The following PARD3B variants were observed in gnomAD, a reference collection of about 807,000 sequenced individuals.
PARD3B encodes the protein partitioning defective 3 homolog B.
A neutral mutation model predicts 130.2 loss-of-function variants in PARD3B; 103 were observed. The observed-to-expected ratio is 0.79, with a 90% CI of 0.67 to 0.93. PARD3B has a LOEUF of 0.93. Ranked by LOEUF, PARD3B falls within the 40% of genes least tolerant of loss-of-function variation. The pLI is 0.00. For synonymous variants in PARD3B, 583 were observed against 553.2 expected, an observed-to-expected ratio of 1.05 and a Z score of -0.76; for missense variants, 1,609 against 1,499.2, an observed-to-expected ratio of 1.07 and a Z score of -1.21.
At chr2:204,639,497 A>G (rs2034999983) in intron 1 of PARD3B, among the ~76,000 whole-genome samples, 1 of 152,218 alleles carries the variant, frequency 6.6e-6, no homozygotes, top group African/African-American at 2.4e-5. Flanking sequence ...ATACTTGGGG[A>G]ATAAATGGAT....
At chr2:205,246,252 CT>C (rs2039567933) in intron 16 of PARD3B, among the ~76,000 whole-genome samples, 1 of 109,930 alleles carries the variant, frequency 9.1e-6, no homozygotes, top group African/African-American at 3.5e-5. Context: ...TTTTTTTTTT[CT>C]GCCTGTCATC....
chr2:205,301,870 T>C lies in PARD3B; in HGVS notation c.2630+169T>C, dbSNP rs777353985. The stretch of plus-strand genomic sequence containing the variant: ...CTTTCTGCAGAGGCAGAGGAGCTTT[T>C]TGGGGAAAGTTACAGTGATGACAGG... On this transcript the variant is annotated intron_variant, in intron 18 of 22. Transcript: ENST00000406610. The surrounding 1 kb of genome is among the most constrained non-coding windows in gnomAD (Gnocchi z 5.2). 1.5e-5 allele frequency: 16 copies of C among 1,065,084 alleles called. No individual in the cohort carries two copies. Among genetic ancestry groups the C allele is most frequent in the Non-Finnish European group, 2.3e-5 (16 of 686,928 alleles). The allele number at this position is 1,065,084 out of a possible 1,614,324, so 66.0% of individuals were successfully genotyped here. A position where few individuals can be genotyped will look rare whatever the true frequency, so the allele number is the denominator to read the frequency against.
intron 22 of PARD3B, among the ~76,000 whole-genome samples, chr2:205,596,420 A>G (rs2054572359): frequency 6.6e-6 from 1 of 152,192 alleles, no homozygotes; most frequent in South Asian, 2.1e-4. Flanking sequence ...CTGCCAAATA[A>G]TGAGCTGGAT....
intron 21 of PARD3B, among the ~76,000 whole-genome samples, chr2:205,519,957 C>T (rs1358498625): frequency 2.6e-5 from 4 of 152,094 alleles, no homozygotes; most frequent in Non-Finnish European, 5.9e-5. Context: ...CCTGTGTTTC[C>T]TCATCATTGC....
chr2:204,620,626 TAG>T (rs1296294339), intron 1 of PARD3B, among the ~76,000 whole-genome samples: 1 of 152,148 alleles, frequency 6.6e-6, no homozygotes, highest in Non-Finnish European at 1.5e-5. Flanking sequence ...GAGAAGGTGT[TAG>T]AGTCAAGTCT....
At chr2:205,186,201 A>G (rs142872750) in intron 14 of PARD3B, among the ~76,000 whole-genome samples, 261 of 152,148 alleles carry the variant, frequency 1.7e-3, no homozygotes, top group South Asian at 8.9e-3. Context: ...CTGAGAAAAT[A>G]GGAAGCTTAT....
chr2:205,419,684 T>C (rs1292407478), intron 19 of PARD3B, among the ~76,000 whole-genome samples: 2 of 152,152 alleles, frequency 1.3e-5, no homozygotes, highest in African/African-American at 4.8e-5. Flanking sequence ...CAGTCTCTTC[T>C]GAACACTCCA....
chr2:205,228,251 T>C (rs2038663191), intron 15 of PARD3B, among the ~76,000 whole-genome samples: 1 of 152,208 alleles, frequency 6.6e-6, no homozygotes, highest in Non-Finnish European at 1.5e-5. Flanking sequence ...TTCTTTCAGA[T>C]TGAAGAACTC....
intron 22 of PARD3B, among the ~76,000 whole-genome samples, chr2:205,554,926 G>C (rs911143983): frequency 1.3e-5 from 2 of 152,158 alleles, no homozygotes; most frequent in African/African-American, 4.8e-5. Flanking sequence ...GAGGTCGGGG[G>C]CTGGGGTGCG....
rs1419984458 is a variant in PARD3B at position 205,499,889 on chromosome 2, C to T, written c.3045-7C>T. The T allele has an allele frequency of 2.5e-6, 4 of 1,612,818 alleles. No individual in the cohort carries two copies. The highest frequency in any genetic ancestry group is 2.2e-5 in the East Asian group (1 of 44,858). On this transcript the variant is annotated splice_region_variant and splice_polypyrimidine_tract_variant and intron_variant, in intron 20 of 22. Coordinates refer to ENST00000406610, the MANE Select transcript of PARD3B (RefSeq NM_001302769.2). ...TGTGAATCTGATTATTTGTCTATAT[C>T]CTGTAGTGGCCGTCCTACGGGTGGA...
intron 2 of PARD3B, among the ~76,000 whole-genome samples, chr2:204,959,348 T>C (rs973473835): frequency 5.3e-5 from 8 of 152,248 alleles, no homozygotes; most frequent in African/African-American, 1.9e-4. Context: ...ATTGTGTATA[T>C]GTGCCACATT....
Position 205,550,390 on chromosome 2 carries a change from A to G in PARD3B, c.3181-2934A>G, listed in dbSNP as rs1038906644. Reference sequence around the variant, plus strand: ...CCGCTGGATTTCTTCATTGCTTTGAATACAGTGAATGACTGCATTAATGAT... The same window carrying G: ...CCGCTGGATTTCTTCATTGCTTTGAGTACAGTGAATGACTGCATTAATGAT... On this transcript the variant is annotated intron_variant, in intron 21 of 22. Coordinates refer to ENST00000406610, the MANE Select transcript of PARD3B (RefSeq NM_001302769.2). The surrounding 1 kb of genome is among the most constrained non-coding windows in gnomAD (Gnocchi z 4.5). Among the ~76,000 whole-genome samples the G allele has an allele frequency of 2.6e-5, 4 of 152,190 alleles. No individual in the cohort carries two copies. Among genetic ancestry groups the G allele is most frequent in the African/African-American group, 9.6e-5 (4 of 41,458 alleles).
intron 18 of PARD3B, among the ~76,000 whole-genome samples, chr2:205,310,194 C>T (rs531629365): frequency 1.7e-4 from 25 of 150,574 alleles, no homozygotes; most frequent in South Asian, 8.4e-4. Flanking sequence ...ACGCCATTCT[C>T]CTACCTCAGC....
At chr2:205,600,028 C>T (rs190910549) in intron 22 of PARD3B, among the ~76,000 whole-genome samples, 3 of 152,292 alleles carry the variant, frequency 2.0e-5, no homozygotes, top group Admixed American at 2.0e-4. Flanking sequence ...GTCACATGCA[C>T]TGATGCTACA....
chr2:204,591,526 A>C (rs2125094330), intron 1 of PARD3B, among the ~76,000 whole-genome samples: 1 of 152,274 alleles, frequency 6.6e-6, no homozygotes, highest in African/African-American at 2.4e-5. Flanking sequence ...CTGAAATGAA[A>C]CCTTTTATGC....
chr2:205,515,308 C>T (rs753760752), intron 21 of PARD3B, among the ~76,000 whole-genome samples: 5 of 152,022 alleles, frequency 3.3e-5, no homozygotes, highest in Admixed American at 6.6e-5. Context: ...TAAACATTTG[C>T]GTGCATGTGT....
In PARD3B at chr2:205,185,731, C is replaced by G. The variant is rs773724044; in HGVS notation, c.1925-33C>G. On this transcript the variant is annotated intron_variant, in intron 13 of 22. Transcript: ENST00000406610. ...CAGGCATCGAATGGTTCTGCTTCCA[C>G]TTTATACAGCTTCATTTGTTCTTTG... 5 of 1,590,712 alleles carry G rather than the reference C, an allele frequency of 3.1e-6. No individual in the cohort carries two copies. The East Asian group carries it at 1.1e-4, about 36-fold the overall frequency.
intron 15 of PARD3B, among the ~76,000 whole-genome samples, chr2:205,221,425 G>A (rs2125872180): frequency 6.6e-6 from 1 of 152,284 alleles, no homozygotes. Flanking sequence ...ACTGCACACA[G>A]TTGATGAGCC....
chr2:204,638,543 G>A (rs532105287), intron 1 of PARD3B, among the ~76,000 whole-genome samples: 3 of 152,190 alleles, frequency 2.0e-5, no homozygotes, highest in East Asian at 1.9e-4. Flanking sequence ...ACTGGACTTC[G>A]GAATGGTATT....
Sources: allele counts gnomAD v4.1 joint callset (sites outside exome capture counted in the v4.1 genomes callset), GRCh38; gene constraint gnomAD v4.1.1; non-coding constraint Gnocchi (gnomAD v3.1); transcripts MANE v1.5; gene names NCBI Gene and HGNC (gene_info 2026-07-23, HGNC 2026-07-21).